Variants in CREBBP observed in about 807,000 individuals in gnomAD.
The protein encoded by CREBBP is CREB binding lysine acetyltransferase.
CREBBP carries 19 observed loss-of-function variants against 265.0 expected under a neutral mutation model. That is an observed-to-expected ratio of 0.07 (90% CI 0.05 to 0.11). The LOEUF (loss-of-function observed/expected upper bound fraction) is 0.11, where lower values mean the gene tolerates loss of function less well. CREBBP is among the 10% of genes least tolerant of loss of function. The pLI is 1.00. For synonymous variants in CREBBP, 1,457 were observed against 1,223.7 expected, an observed-to-expected ratio of 1.19 and a Z score of -3.98; for missense variants, 2,525 against 3,219.0, an observed-to-expected ratio of 0.78 and a Z score of 5.22.
At chr16:3,862,349 G>C (rs886917686) in intron 1 of CREBBP, among the ~76,000 whole-genome samples, 2 of 152,076 alleles carry the variant, frequency 1.3e-5, no homozygotes, top group African/African-American at 2.4e-5. Flanking sequence ...CAAGATGGCA[G>C]GAGCCCCAGG....
intron 16 of CREBBP, among the ~76,000 whole-genome samples, chr16:3,760,031 C>A (rs2052676539): frequency 6.6e-6 from 1 of 152,202 alleles, no homozygotes; most frequent in Non-Finnish European, 1.5e-5. Context: ...AAAGATGTCT[C>A]AGGCATTCTG....
chr16:3,753,809 ACAAT>A (rs1338312660), intron 19 of CREBBP, among the ~76,000 whole-genome samples: 1 of 152,194 alleles, frequency 6.6e-6, no homozygotes, highest in Admixed American at 6.5e-5. Flanking sequence ...CATTCATGAT[ACAAT>A]CAAACACGCA....
At chr16:3,792,953 A>G (rs2053536084) in intron 4 of CREBBP, among the ~76,000 whole-genome samples, 1 of 152,218 alleles carries the variant, frequency 6.6e-6, no homozygotes. Flanking sequence ...AGGACAGAGG[A>G]GCAAGGCCGC....
chr16:3,819,423 G>A (rs2054100853), intron 2 of CREBBP, among the ~76,000 whole-genome samples: 1 of 152,198 alleles, frequency 6.6e-6, no homozygotes, highest in Non-Finnish European at 1.5e-5. Flanking sequence ...AGCTTTGGGA[G>A]CAATCATTCT....
At chr16:3,766,724 GC>G (rs1441687598) in intron 16 of CREBBP, among the ~76,000 whole-genome samples, 1 of 152,038 alleles carries the variant, frequency 6.6e-6, no homozygotes, top group African/African-American at 2.4e-5. Flanking sequence ...ATGGAGCCTT[GC>G]TATGTTGCTC....
At chr16:3,749,483 A>G in intron 21 of CREBBP, 144 bp downstream of exon 21, 10 of 625,056 alleles carry the variant, frequency 1.6e-5, no homozygotes, top group South Asian at 5.7e-5. Context: ...AAAGAAATCT[A>G]TATCTAAAAG....
intron 2 of CREBBP, among the ~76,000 whole-genome samples, chr16:3,826,766 G>C (rs1043731081): frequency 4.6e-5 from 7 of 152,232 alleles, no homozygotes; most frequent in African/African-American, 1.7e-4. Flanking sequence ...AAAAGTAATG[G>C]GGTATCATGG....
chr16:3,852,675 C>T (rs1487876365), intron 1 of CREBBP, among the ~76,000 whole-genome samples: 1 of 152,150 alleles, frequency 6.6e-6, no homozygotes, highest in African/African-American at 2.4e-5. Flanking sequence ...ATGAGAAGCA[C>T]AGTGACTCCC....
At chr16:3,804,422 T>C (rs1000845712) in intron 3 of CREBBP, among the ~76,000 whole-genome samples, 2 of 152,188 alleles carry the variant, frequency 1.3e-5, no homozygotes, top group African/African-American at 4.8e-5. Context: ...GACTGTCTTT[T>C]TGGTGACGTG....
chr16:3,849,442 T>TGTGTGTG lies in CREBBP; in HGVS notation c.798+848_798+854dup, dbSNP rs1567360498. 6.1e-3 allele frequency among the ~76,000 whole-genome samples: 114 copies of TGTGTGTG among 18,698 alleles called. 9 individuals carry two copies. Among genetic ancestry groups the TGTGTGTG allele is most frequent in the Middle Eastern group, 0.042 (1 of 24 alleles). 12.3% of individuals were successfully genotyped at this position (18,698 alleles called of 152,430 possible). On this transcript the variant is annotated intron_variant, in intron 2 of 30. Coordinates refer to ENST00000262367, the MANE Select transcript of CREBBP (RefSeq NM_004380.3). ...GTGTGTGTGTGTGTGTGTGTGTGTG[T>TGTGTGTG]GTGTGTGTGTGTGTGTGTGTGTGTG...
At chr16:3,847,500 T>TA (rs1054295271) in intron 2 of CREBBP, among the ~76,000 whole-genome samples, 7 of 152,080 alleles carry the variant, frequency 4.6e-5, no homozygotes, top group Non-Finnish European at 1.5e-5. Context: ...GACACATCTT[T>TA]AAAAAAATGC....
At chr16:3,803,805 G>A (rs1344629997) in intron 3 of CREBBP, among the ~76,000 whole-genome samples, 3 of 152,064 alleles carry the variant, frequency 2.0e-5, no homozygotes, top group African/African-American at 7.2e-5. Flanking sequence ...AGGTGGCCGG[G>A]AGAGGTGGCT....
chr16:3,726,277 G>A lies in CREBBP; in HGVS notation c.*1441C>T, dbSNP rs1186005107. 1.7e-5 allele frequency: 4 copies of A among 232,728 alleles called. No individual in the cohort carries two copies. Among genetic ancestry groups the A allele is most frequent in the South Asian group, 1.8e-4 (1 of 5,530 alleles). The allele number at this position is 232,728 out of a possible 1,614,324, so 14.4% of individuals were successfully genotyped here. A position where few individuals can be genotyped will look rare whatever the true frequency, so the allele number is the denominator to read the frequency against. On this transcript the variant is annotated 3_prime_UTR_variant, in exon 31 of 31. Transcript: ENST00000262367. The stretch of plus-strand genomic sequence containing the variant: ...CCGCCTGAACACGGGAAGAAGCGCC[G>A]CCTCTGGGGGTGGCAGCTACGACGG...
At chr16:3,758,123 T>A (rs1011589552) in intron 17 of CREBBP, 75 bp from the exon 18 acceptor site, 14 of 1,516,150 alleles carry the variant, frequency 9.2e-6, no homozygotes, top group Non-Finnish European at 1.3e-5. Context: ...GGCAGCTTTG[T>A]TTTAAAATAA....
chr16:3,753,907 T>A (rs1392628611), intron 19 of CREBBP, among the ~76,000 whole-genome samples: 1 of 152,194 alleles, frequency 6.6e-6, no homozygotes, highest in Non-Finnish European at 1.5e-5. Context: ...TAAATGGTTT[T>A]AAAATCCTGG....
intron 27 of CREBBP, 134 bp from the exon 28 acceptor site, chr16:3,736,337 C>A: frequency 1.1e-6 from 1 of 943,412 alleles, no homozygotes. Flanking sequence ...CCCCCCACCA[C>A]AGTGCAGCAG....
At chr16:3,825,601 A>AG (rs1174261294) in intron 2 of CREBBP, among the ~76,000 whole-genome samples, 1 of 151,610 alleles carries the variant, frequency 6.6e-6, no homozygotes, top group East Asian at 1.9e-4. Context: ...CAAAAAAAAA[A>AG]GAAAATGAGA....
intron 16 of CREBBP, among the ~76,000 whole-genome samples, chr16:3,765,568 A>G (rs1361699920): frequency 6.6e-6 from 1 of 152,270 alleles, no homozygotes; most frequent in Non-Finnish European, 1.5e-5. Flanking sequence ...TTTGTTGCCA[A>G]TGCTAAAATT....
intron 1 of CREBBP, among the ~76,000 whole-genome samples, chr16:3,855,122 T>C (rs1465292540): frequency 6.6e-6 from 1 of 152,238 alleles, no homozygotes; most frequent in Non-Finnish European, 1.5e-5. Context: ...CTCTTCAAAA[T>C]GACATGTCCT....
Sources: allele counts gnomAD v4.1 joint callset (sites outside exome capture counted in the v4.1 genomes callset), GRCh38; gene constraint gnomAD v4.1.1; transcripts MANE v1.5; gene names NCBI Gene and HGNC (gene_info 2026-07-23, HGNC 2026-07-21).